ODAD2: variants seen among roughly 807,000 people sequenced by gnomAD.
ODAD2 encodes outer dynein arm docking complex subunit 2, also known as outer dynein arm-docking complex subunit 2.
A neutral mutation model predicts 106.8 loss-of-function variants in ODAD2; 89 were observed. That is an observed-to-expected ratio of 0.83 (90% confidence interval 0.70 to 0.99). The LOEUF (loss-of-function observed/expected upper bound fraction) is 0.99, where lower values mean the gene tolerates loss of function less well. Ranked by LOEUF, ODAD2 falls within the 50% of genes least tolerant of loss-of-function variation. The pLI, the probability that ODAD2 is intolerant of heterozygous loss-of-function variation, is 0.00. For synonymous variants in ODAD2, 404 were observed against 436.2 expected (o/e 0.93, Z 0.92); for missense variants, 1,168 against 1,238.5 (o/e 0.94, Z 0.85).
At chr10:27,863,114 T>C (rs1840175278) in intron 17 of ODAD2, among the ~76,000 whole-genome samples, 1 of 152,186 alleles carries the variant, frequency 6.6e-6, no homozygotes, top group Non-Finnish European at 1.5e-5. Context: ...TGAAGACACC[T>C]GATTTCATAT....
At chr10:27,974,951 C>T (rs1294402918) in intron 7 of ODAD2, among the ~76,000 whole-genome samples, 1 of 152,078 alleles carries the variant, frequency 6.6e-6, no homozygotes, top group Non-Finnish European at 1.5e-5. Flanking sequence ...AGAGATCTTT[C>T]ACCTTTCTGA....
chr10:27,985,029 G>GT lies in ODAD2; in HGVS notation c.564dup (p.His189ThrfsTer36), dbSNP rs1588663203. On this transcript the variant is annotated frameshift_variant, in exon 4 of 20. Coordinates refer to ENST00000305242, the MANE Select transcript of ODAD2 (RefSeq NM_018076.5). LOFTEE classifies it high-confidence loss of function. ...TTGAAAAAGACTCACAATGAAATAT[G>GT]TTTTAGAGAATGATTGAGGAGGTGC... The GT allele has an allele frequency of 6.2e-7, 1 of 1,607,088 alleles. No homozygotes were observed. The highest frequency in any genetic ancestry group is 8.5e-7 in the Non-Finnish European group (1 of 1,177,446).
rs1377064668 is a variant in ODAD2 at position 27,993,984 on chromosome 10, G to A, written c.224+935C>T. On this transcript the variant is annotated intron_variant, in intron 2 of 19. Coordinates refer to ENST00000305242, the MANE Select transcript of ODAD2 (RefSeq NM_018076.5). ...AATATATATATATATATGTGTGTGT[G>A]TGTGTGTGTGTGTGTGTGTGTGTGT... 8.8e-4 allele frequency among the ~76,000 whole-genome samples: 131 copies of A among 148,718 alleles called. 3 individuals are homozygous for A. In the East Asian group the frequency reaches 0.02, roughly 23 times the overall value.
chr10:27,832,056 A>G (rs1361509390), intron 19 of ODAD2, among the ~76,000 whole-genome samples: 1 of 152,228 alleles, frequency 6.6e-6, no homozygotes, highest in Non-Finnish European at 1.5e-5. Flanking sequence ...TCATCTTTGT[A>G]TCTTCAGGGG....
At chr10:27,895,835 A>G (rs1842820120) in intron 17 of ODAD2, among the ~76,000 whole-genome samples, 3 of 152,246 alleles carry the variant, frequency 2.0e-5, no homozygotes, top group African/African-American at 7.2e-5. Context: ...TTCTGAGCAC[A>G]TGACCTCTGT....
At chr10:27,896,581 T>C (rs955087052) in intron 17 of ODAD2, among the ~76,000 whole-genome samples, 4 of 152,200 alleles carry the variant, frequency 2.6e-5, no homozygotes, top group African/African-American at 9.6e-5. Flanking sequence ...TTGTTCTTCC[T>C]GGACTTGCCC....
In ODAD2 at chr10:27,940,008, C is replaced by T; in HGVS notation, c.1987-1G>A. On this transcript the variant is annotated splice_acceptor_variant, in intron 13 of 19. Transcript: ENST00000305242. LOFTEE classifies it high-confidence loss of function. ...CTTTGATTGCAGCCCGGTAGTTTTC[C>T]TAGGAATAAAAACCTACATATTTAT... The T allele has an allele frequency of 6.3e-7, 1 of 1,598,270 alleles. No individual in the cohort carries two copies. Among genetic ancestry groups the T allele is most frequent in the Non-Finnish European group, 8.5e-7 (1 of 1,172,118 alleles).
chr10:27,881,416 G>C (rs1456036698), intron 17 of ODAD2, among the ~76,000 whole-genome samples: 1 of 152,006 alleles, frequency 6.6e-6, no homozygotes, highest in Non-Finnish European at 1.5e-5. Flanking sequence ...GGGAGGCCAA[G>C]GTGGGAGAAT....
chr10:27,988,813 A>C (rs1222544536), intron 2 of ODAD2, among the ~76,000 whole-genome samples: 1 of 152,214 alleles, frequency 6.6e-6, no homozygotes, highest in East Asian at 1.9e-4. Context: ...GAATCCCCAA[A>C]ACCTATGAAC....
At chr10:27,920,030 T>C (rs1424830654) in intron 16 of ODAD2, among the ~76,000 whole-genome samples, 1 of 151,950 alleles carries the variant, frequency 6.6e-6, no homozygotes, top group East Asian at 1.9e-4. Flanking sequence ...CTATAGTTTA[T>C]AGGGATGAAT....
At chr10:27,840,872 T>C (rs1238775580) in intron 19 of ODAD2, among the ~76,000 whole-genome samples, 1 of 152,222 alleles carries the variant, frequency 6.6e-6, no homozygotes, top group Non-Finnish European at 1.5e-5. Flanking sequence ...AGATCCTGCA[T>C]TGCATCTGTA....
chr10:27,901,144 G>T (rs1220333359), intron 17 of ODAD2, among the ~76,000 whole-genome samples: 1 of 152,206 alleles, frequency 6.6e-6, no homozygotes, highest in Non-Finnish European at 1.5e-5. Context: ...CCAAAAGAGA[G>T]TGGGGGCCAA....
intron 10 of ODAD2, among the ~76,000 whole-genome samples, chr10:27,954,524 TGAA>T: frequency 6.6e-6 from 1 of 152,176 alleles, no homozygotes; most frequent in South Asian, 2.1e-4. Context: ...AATGAATGAA[TGAA>T]TGAGTTGAAG....
intron 17 of ODAD2, among the ~76,000 whole-genome samples, chr10:27,887,142 C>T (rs1842654482): frequency 6.6e-6 from 1 of 151,850 alleles, no homozygotes; most frequent in Non-Finnish European, 1.5e-5. Context: ...TAAGGATACA[C>T]ATAGGTTGAA....
intron 19 of ODAD2, among the ~76,000 whole-genome samples, chr10:27,820,777 CTTT>C (rs72095120): frequency 0.025 from 2,674 of 105,558 alleles, 84 homozygotes; most frequent in African/African-American, 0.098. Flanking sequence ...AGCCCAGCAA[CTTT>C]TTTTTTTTTT....
chr10:27,901,649 A>G (rs2368272), intron 17 of ODAD2, among the ~76,000 whole-genome samples: 67,432 of 151,878 alleles, frequency 0.44, 16,691 homozygotes, highest in Middle Eastern at 0.6. Flanking sequence ...CAAAAAAAGC[A>G]GGGGTTGCAA....
chr10:27,859,467 A>C (rs1377905811), intron 19 of ODAD2, among the ~76,000 whole-genome samples: 1 of 152,188 alleles, frequency 6.6e-6, no homozygotes, highest in Non-Finnish European at 1.5e-5. Flanking sequence ...TTGGTATTTT[A>C]AGAGTACTAT....
At chr10:27,876,290 C>T (rs1329688575) in intron 17 of ODAD2, among the ~76,000 whole-genome samples, 3 of 152,150 alleles carry the variant, frequency 2.0e-5, no homozygotes, top group Admixed American at 1.3e-4. Flanking sequence ...CTGGGAGGCA[C>T]CCCCCAGTAG....
At chr10:27,941,881 T>C (rs1846477126) in intron 12 of ODAD2, among the ~76,000 whole-genome samples, 1 of 152,136 alleles carries the variant, frequency 6.6e-6, no homozygotes, top group South Asian at 2.1e-4. Context: ...AAGGGAATAA[T>C]AGCCTAGGCT....
Sources: gnomAD v4.1 joint callset for allele counts (sites outside exome capture counted in the v4.1 genomes callset) on GRCh38, gnomAD v4.1.1 for gene constraint, MANE v1.5 for transcripts, NCBI Gene and HGNC (gene_info 2026-07-23, HGNC 2026-07-21) for gene names.